The following CST7 variants were observed in gnomAD, a reference collection of about 807,000 sequenced individuals.
CST7 encodes cystatin F, also known as cystatin-F.
Under a neutral mutation model 13.1 loss-of-function variants are expected in CST7, and 15 were observed. That is an observed-to-expected ratio of 1.14 (90% CI 0.77 to 1.76). CST7 has a LOEUF of 1.76. CST7 is among the 40% of genes most tolerant of loss of function. The pLI, the probability that CST7 is intolerant of heterozygous loss-of-function variation, is 0.00. For missense variants in CST7, 193 were observed against 178.8 expected (o/e 1.08, Z -0.45); for synonymous variants, 75 against 66.9 (o/e 1.12, Z -0.59).
At chr20:24,949,606 G>C (rs372972699) in intron 1 of CST7, 31 bp downstream of exon 1, 9 of 1,612,142 alleles carry the variant, frequency 5.6e-6, no homozygotes, top group Non-Finnish European at 7.6e-6. Context: ...TCCGCTCCCC[G>C]GGGGTCTCTC....
chr20:24,959,026 C>G lies in CST7; in HGVS notation c.342C>G (p.Thr114=). 6.2e-7 allele frequency: 1 copy of G among 1,613,568 alleles called. No individual in the cohort carries two copies. ...HLRLDDCDFQ[T]NHTLKQTLSC... ...GTCTGGATGACTGTGACTTCCAAAC[C>G]AACCACACCTTGAAGCAGGTAAAGC... The change falls in exon 3 of 4, where the codon ACC becomes ACG. Residue 114 remains threonine (T), a synonymous_variant. Coordinates refer to ENST00000480798, the MANE Select transcript of CST7 (RefSeq NM_003650.4).
Position 24,959,672 on chromosome 20 carries a change from G to T in CST7, c.398G>T (p.Trp133Leu). Residue 133 changes from tryptophan (W) to leucine (L), a missense_variant, in exon 4 of 4, where the codon TGG (tryptophan) becomes TTG (leucine). By Grantham distance (61) the Trp-to-Leu change is moderately conservative. Coordinates refer to ENST00000480798, the MANE Select transcript of CST7 (RefSeq NM_003650.4). Reference sequence around the variant, plus strand: ...TACTCTGAAGTCTGGGTCGTGCCCTGGCTCCAGCACTTCGAGGTGCCTGTT... The same window carrying T: ...TACTCTGAAGTCTGGGTCGTGCCCTTGCTCCAGCACTTCGAGGTGCCTGTT... The part of the protein sequence containing the change: ...SCYSEVWVVP[W>L]LQHFEVPVLR... 6.2e-7 allele frequency: 1 copy of T among 1,614,122 alleles called. No homozygotes were observed. Among genetic ancestry groups the T allele is most frequent in the South Asian group, 1.1e-5 (1 of 91,082 alleles).
intron 2 of CST7, among the ~76,000 whole-genome samples, chr20:24,958,514 C>G (rs75891193): frequency 0.013 from 1,978 of 152,344 alleles, 45 homozygotes; most frequent in African/African-American, 0.046. Flanking sequence ...TGGAGAAGGG[C>G]TGTCCAGAAA....
rs1415682121 is a variant in CST7 at position 24,949,397 on chromosome 20, A to G, written c.-109A>G. The G allele has an allele frequency of 3.7e-6, 6 of 1,601,374 alleles. No individual in the cohort carries two copies. The highest frequency in any genetic ancestry group is 1.7e-5 in the Admixed American group (1 of 59,194). On this transcript the variant is annotated 5_prime_UTR_variant, in exon 1 of 4. Coordinates refer to ENST00000480798, the MANE Select transcript of CST7 (RefSeq NM_003650.4). The stretch of plus-strand genomic sequence containing the variant: ...CCACCTGCCCTGCGCCATCTACCCA[A>G]GAAGGCTCGGCACGGGCACCAACCA...
At chr20:24,958,796 C>A in intron 2 of CST7, 132 bp from the exon 3 acceptor site, 3 of 695,058 alleles carry the variant, frequency 4.3e-6, no homozygotes, top group Middle Eastern at 4.1e-4. Flanking sequence ...CGAAGCATTG[C>A]CCCAAGATGC....
chr20:24,957,132 CA>C (rs2087863074), intron 1 of CST7, among the ~76,000 whole-genome samples, 154 bp from the exon 2 acceptor site: 1 of 7,704 alleles, frequency 1.3e-4, no homozygotes, highest in African/African-American at 6.0e-4. Context: ...GGACAGGTGA[CA>C]GGGGTAGGTA....
rs1244203401 is a variant in CST7 at position 24,958,979 on chromosome 20, T to A, written c.295T>A (p.Cys99Ser). 2 of 1,613,980 alleles carry A rather than the reference T, an allele frequency of 1.2e-6. No homozygotes were observed. The highest frequency in any genetic ancestry group is 3.3e-5 in the Admixed American group (2 of 60,008). ...MLEVEIGRTT[C>S]KKNQHLRLDD... ...GGAGGTGGAAATTGGCAGAACTACCTGCAAGAAAAACCAGCACCTGCGTCT... is the reference window on the plus strand; with the variant it reads ...GGAGGTGGAAATTGGCAGAACTACCAGCAAGAAAAACCAGCACCTGCGTCT... The change falls in exon 3 of 4, where the codon TGC (cysteine) becomes AGC (serine). Residue 99 changes from cysteine to serine, a missense_variant. Cys to Ser is a moderately radical substitution (Grantham distance 112). Coordinates refer to ENST00000480798, the MANE Select transcript of CST7 (RefSeq NM_003650.4).
At chr20:24,959,106 AC>A (rs2087878689) in intron 3 of CST7, 62 bp downstream of exon 3, 1 of 1,284,678 alleles carries the variant, frequency 7.8e-7, no homozygotes, top group Non-Finnish European at 1.1e-6. Flanking sequence ...CCCTCCCAGG[AC>A]TGTGAAAAAC....
intron 1 of CST7, among the ~76,000 whole-genome samples, chr20:24,951,576 T>A (rs569195054): frequency 5.1e-4 from 78 of 152,146 alleles, no homozygotes; most frequent in African/African-American, 1.8e-3. Context: ...ACTCCACAAC[T>A]CCTACAGCCC....
In CST7 at chr20:24,959,057, G is replaced by A. The variant is rs1225360247; in HGVS notation, c.360+13G>A. The A allele has an allele frequency of 6.3e-7, 1 of 1,594,920 alleles. No homozygotes were observed. The highest frequency in any genetic ancestry group is 8.6e-7 in the Non-Finnish European group (1 of 1,162,790). ...CACCTTGAAGCAGGTAAAGCAGCAG[G>A]CCCTTCTCTCAGATGTGCCCTCTCT... is the stretch of plus-strand genomic sequence containing the variant. On this transcript the variant is annotated intron_variant, in intron 3 of 3. Transcript: ENST00000480798.
intron 1 of CST7, among the ~76,000 whole-genome samples, chr20:24,954,591 T>G (rs1236732895): frequency 2.6e-5 from 4 of 152,264 alleles, no homozygotes; most frequent in Non-Finnish European, 4.4e-5. Context: ...AATTAAAAAC[T>G]GAGCTTTTAA....
At position 24,958,966 on chromosome 20, in the gene CST7, T is replaced by C. The variant is rs903038946; in HGVS notation, c.282T>C (p.Ile94=). The C allele has an allele frequency of 3.1e-6, 5 of 1,614,036 alleles. No individual in the cohort carries two copies. The highest frequency in any genetic ancestry group is 4.2e-6 in the Non-Finnish European group (5 of 1,179,948). The change falls in exon 3 of 4, where the codon ATT becomes ATC. Residue 94 remains isoleucine, a synonymous_variant. Transcript: ENST00000480798. ...TGAAATATATGCTGGAGGTGGAAAT[T>C]GGCAGAACTACCTGCAAGAAAAACC... ...KGLKYMLEVE[I]GRTTCKKNQH... is the part of the protein sequence containing the mutation.
At chr20:24,956,166 A>C (rs1216092041) in intron 1 of CST7, among the ~76,000 whole-genome samples, 1 of 152,130 alleles carries the variant, frequency 6.6e-6, no homozygotes, top group Non-Finnish European at 1.5e-5. Context: ...CCACGTGGTG[A>C]CCAGAAACCT....
intron 1 of CST7, among the ~76,000 whole-genome samples, chr20:24,949,970 G>A (rs368167960): frequency 6.6e-6 from 1 of 152,198 alleles, no homozygotes; most frequent in Non-Finnish European, 1.5e-5. Flanking sequence ...CCTTCCTGCT[G>A]GCTGTTGTCC....
intron 1 of CST7, among the ~76,000 whole-genome samples, chr20:24,955,037 A>G (rs958981723): frequency 2.0e-5 from 2 of 97,722 alleles, no homozygotes; most frequent in Non-Finnish European, 3.8e-5. Flanking sequence ...AAAGAAAGCA[A>G]AACAACAACA....
intron 1 of CST7, among the ~76,000 whole-genome samples, chr20:24,954,503 T>C (rs2087841267): frequency 6.6e-6 from 1 of 152,228 alleles, no homozygotes; most frequent in Non-Finnish European, 1.5e-5. Context: ...GGGTGTTAAT[T>C]CTTAATGATC....
At position 24,956,129 on chromosome 20, in the gene CST7, G is replaced by A. The variant is rs550929110; in HGVS notation, c.71-1158G>A. ...GTCCCATGCTTCTCTGCCCACTCCC[G>A]GCGCTGCACCACCCAGCCTGGGGGT... On this transcript the variant is annotated intron_variant, in intron 1 of 3. Coordinates refer to ENST00000480798, the MANE Select transcript of CST7 (RefSeq NM_003650.4). Among the ~76,000 whole-genome samples the A allele has an allele frequency of 2.4e-3, 362 of 152,256 alleles. 1 individual carries two copies. Among genetic ancestry groups the A allele is most frequent in the Non-Finnish European group, 4.2e-3 (289 of 68,006 alleles).
rs201911475 is a variant in CST7, at chr20:24,958,994, C to G, written c.310C>G (p.His104Asp). ...CAGAACTACCTGCAAGAAAAACCAG[C>G]ACCTGCGTCTGGATGACTGTGACTT... ...IGRTTCKKNQ[H>D]LRLDDCDFQT... Residue 104 changes from histidine (H) to aspartate (D), a missense_variant, in exon 3 of 4, where the codon CAC (histidine) becomes GAC (aspartate). Physicochemically the swap from His to Asp is moderately conservative, Grantham distance 81 (BLOSUM62 -1). Coordinates refer to ENST00000480798, the MANE Select transcript of CST7 (RefSeq NM_003650.4). 3.0e-5 allele frequency: 48 copies of G among 1,613,926 alleles called. No homozygotes were observed. The highest frequency in any genetic ancestry group is 2.5e-5 in the Non-Finnish European group (30 of 1,179,922).
intron 1 of CST7, among the ~76,000 whole-genome samples, chr20:24,955,039 AC>A (rs1280838435): frequency 0.012 from 920 of 75,048 alleles, 14 homozygotes; most frequent in African/African-American, 0.06. Context: ...AGAAAGCAAA[AC>A]AACAACAACA....
Sources: allele counts gnomAD v4.1 joint callset (sites outside exome capture counted in the v4.1 genomes callset), GRCh38; gene constraint gnomAD v4.1.1; transcripts MANE v1.5; gene names NCBI Gene and HGNC (gene_info 2026-07-23, HGNC 2026-07-21).